The following EPG5 variants were observed in gnomAD, a reference collection of about 807,000 sequenced individuals.
EPG5 encodes the protein ectopic P granules protein 5 homolog.
EPG5 carries 159 observed loss-of-function variants against 302.7 expected under a neutral mutation model. That is an observed-to-expected ratio of 0.53 (90% CI 0.46 to 0.60). The LOEUF (loss-of-function observed/expected upper bound fraction) is 0.60, where lower values mean the gene tolerates loss of function less well. Ranked by LOEUF, EPG5 falls within the 20% of genes least tolerant of loss-of-function variation. EPG5 has a pLI of 0.00. For synonymous variants in EPG5, 1,158 were observed against 1,136.8 expected (o/e 1.02, Z -0.37); for missense variants, 2,896 against 3,092.4 (o/e 0.94, Z 1.51).
At chr18:45,909,877 T>C (rs990737179) in intron 23 of EPG5, among the ~76,000 whole-genome samples, 5 of 152,190 alleles carry the variant, frequency 3.3e-5, no homozygotes, top group African/African-American at 1.2e-4. Flanking sequence ...GCCCAGGAGT[T>C]TGGGGCTGAG....
intron 1 of EPG5, among the ~76,000 whole-genome samples, chr18:45,956,723 C>T (rs949128863): frequency 1.3e-5 from 2 of 152,036 alleles, no homozygotes; most frequent in Admixed American, 6.6e-5. Context: ...CGTGAGCCAC[C>T]GCGCCTGGCC....
intron 36 of EPG5, among the ~76,000 whole-genome samples, chr18:45,868,774 G>A (rs2048806149): frequency 6.6e-6 from 1 of 151,862 alleles, no homozygotes; most frequent in Non-Finnish European, 1.5e-5. Flanking sequence ...AAATATGAGA[G>A]GCCGGGTGCA....
At chr18:45,914,015 T>C (rs967108589) in intron 20 of EPG5, among the ~76,000 whole-genome samples, 187 bp from the exon 21 acceptor site, 2 of 152,242 alleles carry the variant, frequency 1.3e-5, no homozygotes, top group African/African-American at 2.4e-5. Context: ...TTAAATAAAA[T>C]AGATCATTGG....
chr18:45,855,552 C>A (rs1388295394), intron 43 of EPG5, 21 bp downstream of exon 43: 2 of 1,587,432 alleles, frequency 1.3e-6, no homozygotes, highest in African/African-American at 1.3e-5. Flanking sequence ...AAACTTCTAA[C>A]CCTTCATTGT....
chr18:45,832,582 C>T, the EPG5 span, among the ~76,000 whole-genome samples: 9 of 152,188 alleles, frequency 5.9e-5, no homozygotes, highest in African/African-American at 1.9e-4. Flanking sequence ...GCATGCTTCC[C>T]GCCATACCCT....
At position 45,916,090 on chromosome 18, in the gene EPG5, G is replaced by T. The variant is rs1474104324; in HGVS notation, c.3501C>A (p.Phe1167Leu). 1 of 1,614,102 alleles carries T rather than the reference G, an allele frequency of 6.2e-7. No homozygotes were observed. The highest frequency in any genetic ancestry group is 8.5e-7 in the Non-Finnish European group (1 of 1,180,014). Residue 1167 changes from phenylalanine (F) to leucine (L), a missense_variant, in exon 19 of 44, where the codon TTC becomes TTA. By Grantham distance (22) the Phe-to-Leu change is conservative. Coordinates refer to ENST00000282041, the MANE Select transcript of EPG5 (RefSeq NM_020964.3). ...CTGCTTTACACAAGTGGTCCATGAG[G>T]AAGAGGATAGGTTGTTCTCGGTACC... ...HLWYREQPIL[F>L]LMDHLCKAAF...
Position 45,858,799 on chromosome 18 carries a change from G to A in EPG5, c.7010-17C>T. 1 of 1,511,552 alleles carries A rather than the reference G, an allele frequency of 6.6e-7. No individual in the cohort carries two copies. The allele number at this position is 1,511,552 out of a possible 1,614,324, so 93.6% of individuals were successfully genotyped here. A position where few individuals can be genotyped will look rare whatever the true frequency, so the allele number is the denominator to read the frequency against. The stretch of plus-strand genomic sequence containing the variant: ...TGAGAGGGCCTAAGAACATGAAGAA[G>A]AGACATCAAGATATAGGCAAGAATC... On this transcript the variant is annotated splice_polypyrimidine_tract_variant and intron_variant, in intron 40 of 43. Transcript: ENST00000282041.
At position 45,904,096 on chromosome 18, in the gene EPG5, T is replaced by C; in HGVS notation, c.4351A>G (p.Asn1451Asp). The C allele has an allele frequency of 6.2e-7, 1 of 1,612,198 alleles. No individual in the cohort carries two copies. Among genetic ancestry groups the C allele is most frequent in the Non-Finnish European group, 8.5e-7 (1 of 1,179,672 alleles). Residue 1451 changes from asparagine (N) to aspartate (D), a missense_variant, in exon 25 of 44, where the codon AAC (asparagine) becomes GAC (aspartate). This residue lies in a region of EPG5 where 790 missense variants were observed against 798.0 expected (regional missense o/e 0.99). Coordinates refer to ENST00000282041, the MANE Select transcript of EPG5 (RefSeq NM_020964.3). ...NQQDLWMEYL[N>D]MERIYHEFQE... ...AACTCATGATAGATGCGCTCCATGT[T>C]CAAATACTCCATCCACAGATCCTGA...
In EPG5 at chr18:45,910,498, G is replaced by A. The variant is rs1359931175; in HGVS notation, c.4205+23C>T. 8 of 1,550,830 alleles carry A rather than the reference G, an allele frequency of 5.2e-6. No individual in the cohort carries two copies. The Admixed American group carries it at 7.7e-5, about 15-fold the overall frequency. On this transcript the variant is annotated intron_variant, in intron 23 of 43. Transcript: ENST00000282041. ...TACCTGTGCTGCAAACAACAATGTA[G>A]GTGGCTAAATAACCATACTCACCTC...
At chr18:45,923,422 C>T in intron 14 of EPG5, 35 bp from the exon 15 acceptor site, 1 of 1,596,438 alleles carries the variant, frequency 6.3e-7, no homozygotes, top group Non-Finnish European at 8.5e-7. Context: ...AACATACAAC[C>T]TTGGTTTTGT....
chr18:45,967,076 G>C (rs1190441898), intron 1 of EPG5, 101 bp downstream of exon 1: 9 of 1,159,368 alleles, frequency 7.8e-6, no homozygotes, highest in African/African-American at 1.6e-5. Flanking sequence ...AGATGCAGAG[G>C]GCTCAGGGAA....
In EPG5 at chr18:45,889,816, T is replaced by G; in HGVS notation, c.4934A>C (p.His1645Pro). ...AACTTACGTGATCAAGTTTTCTGCA[T>G]GTACAGCAGCTTCCACAATATTAAG... ...PSLNIVEAAV[H>P]AENLITALVN... The change falls in exon 28 of 44, where the codon CAT (histidine) becomes CCT (proline). Residue 1645 changes from histidine to proline, a missense_variant. Physicochemically the swap from His to Pro is moderately conservative, Grantham distance 77. Around this residue, in one of 5 missense-constraint regions of EPG5, gnomAD observed 790 missense variants for 798.0 expected, o/e 0.99. Coordinates refer to ENST00000282041, the MANE Select transcript of EPG5 (RefSeq NM_020964.3). 6.2e-7 allele frequency: 1 copy of G among 1,604,708 alleles called. No homozygotes were observed. Among genetic ancestry groups the G allele is most frequent in the Non-Finnish European group, 8.5e-7 (1 of 1,176,534 alleles).
the EPG5 span, among the ~76,000 whole-genome samples, chr18:45,810,544 C>T: frequency 6.6e-6 from 1 of 152,220 alleles, no homozygotes; most frequent in Non-Finnish European, 1.5e-5. Context: ...CTTGTAATCC[C>T]AGCACTTTGG....
intron 27 of EPG5, among the ~76,000 whole-genome samples, chr18:45,893,973 A>G (rs533148479): frequency 6.6e-6 from 1 of 152,168 alleles, no homozygotes; most frequent in Non-Finnish European, 1.5e-5. Flanking sequence ...TCCTTCAAAC[A>G]CATCCATTTT....
chr18:45,949,771 T>C (rs769260560), intron 4 of EPG5, among the ~76,000 whole-genome samples, 180 bp from the exon 5 acceptor site: 1 of 152,268 alleles, frequency 6.6e-6, no homozygotes, highest in African/African-American at 2.4e-5. Context: ...ATGAGTACTA[T>C]GATAACATCA....
chr18:45,886,631 T>G (rs2049223342), intron 29 of EPG5, among the ~76,000 whole-genome samples: 1 of 152,232 alleles, frequency 6.6e-6, no homozygotes, highest in Non-Finnish European at 1.5e-5. Flanking sequence ...ATACTTTCTA[T>G]GCTGTCTGCA....
At position 45,934,913 on chromosome 18, in the gene EPG5, T is replaced by C; in HGVS notation, c.2153A>G (p.Gln718Arg). The C allele has an allele frequency of 5.0e-6, 8 of 1,614,152 alleles. No individual in the cohort carries two copies. The highest frequency in any genetic ancestry group is 6.8e-6 in the Non-Finnish European group (8 of 1,180,018). The change falls in exon 11 of 44, where the codon CAA becomes CGA. Residue 718 changes from glutamine to arginine, a missense_variant. Physicochemically the swap from Gln to Arg is conservative, Grantham distance 43. Around this residue, in one of 5 missense-constraint regions of EPG5, gnomAD observed 1,390 missense variants for 1,430.0 expected, o/e 0.97. Transcript: ENST00000282041. ...SEMPFGTLSVQMLWKLFYLMH... is the reference protein window; with the variant it reads ...SEMPFGTLSVRMLWKLFYLMH... Reference sequence around the variant, plus strand: ...GAGGTAGAAGAGCTTCCACAGCATTTGCACAGACAGAGTCCCAAAGGGCAT... The same window carrying C: ...GAGGTAGAAGAGCTTCCACAGCATTCGCACAGACAGAGTCCCAAAGGGCAT...
At chr18:45,947,775 CTT>C (rs528778673) in intron 6 of EPG5, among the ~76,000 whole-genome samples, 12 of 148,144 alleles carry the variant, frequency 8.1e-5, no homozygotes, top group African/African-American at 3.0e-4. Flanking sequence ...CTAATCCATT[CTT>C]TTTTTTTTTC....
intron 26 of EPG5, 52 bp from the exon 27 acceptor site, chr18:45,899,618 T>C (rs2049560358): frequency 6.3e-7 from 1 of 1,597,550 alleles, no homozygotes; most frequent in African/African-American, 1.3e-5. Flanking sequence ...GGTTATATGA[T>C]AGGTGATAAA....
Sources: allele counts gnomAD v4.1 joint callset (sites outside exome capture counted in the v4.1 genomes callset), GRCh38; gene constraint gnomAD v4.1.1; regional missense constraint gnomAD v4.1.1; transcripts MANE v1.5; gene names NCBI Gene and HGNC (gene_info 2026-07-23, HGNC 2026-07-21).